The following INCENP variants were observed in gnomAD, a reference collection of about 807,000 sequenced individuals.
INCENP encodes the protein binds and activates aurora-B and -C in vivo and in vitro.
In INCENP, 43 loss-of-function variants were observed where a neutral mutation model predicts 107.3. That is an observed-to-expected ratio of 0.40 (90% CI 0.31 to 0.52). INCENP has a LOEUF of 0.52. Among genes scored for constraint, INCENP ranks in the 20% least tolerant of loss-of-function variants. INCENP has a pLI of 0.53. For synonymous variants in INCENP, 488 were observed against 494.4 expected (o/e 0.99, Z 0.17); for missense variants, 1,089 against 1,250.9 (o/e 0.87, Z 1.95).
intron 15 of INCENP, 85 bp from the exon 16 acceptor site, chr11:62,148,391 G>C (rs1944301030): frequency 7.8e-7 from 1 of 1,274,006 alleles, no homozygotes; most frequent in Non-Finnish European, 1.1e-6. Flanking sequence ...CTACTGGCTG[G>C]GCCTGGTTTC....
chr11:62,133,168 G>A (rs960615526), intron 4 of INCENP, among the ~76,000 whole-genome samples: 4 of 152,124 alleles, frequency 2.6e-5, no homozygotes, highest in African/African-American at 7.2e-5. Context: ...TGGGGTCTTG[G>A]TTTGGGTGTT....
At position 62,145,272 on chromosome 11, in the gene INCENP, G is replaced by A. The variant is rs756946965; in HGVS notation, c.1819G>A (p.Asp607Asn). ...KQIEQKFAQI[D>N]EKTEKAKEER... ...GATTGAGCAGAAGTTTGCTCAGATCGACGAGAAGACTGAGAAGGTGGGAGC... is the reference window on the plus strand; with the variant it reads ...GATTGAGCAGAAGTTTGCTCAGATCAACGAGAAGACTGAGAAGGTGGGAGC... Residue 607 changes from aspartate to asparagine, a missense_variant, in exon 13 of 19, where the codon GAC (aspartate) becomes AAC (asparagine). Physicochemically the swap from Asp to Asn is conservative, Grantham distance 23. Coordinates refer to ENST00000394818, the MANE Select transcript of INCENP (RefSeq NM_001040694.2). 7.4e-6 allele frequency: 12 copies of A among 1,614,002 alleles called. No homozygotes were observed. Among genetic ancestry groups the A allele is most frequent in the African/African-American group, 2.7e-5 (2 of 75,074 alleles).
At chr11:62,149,098 A>G (rs1944318300) in intron 17 of INCENP, among the ~76,000 whole-genome samples, 2 of 152,204 alleles carry the variant, frequency 1.3e-5, no homozygotes, top group Admixed American at 1.3e-4. Flanking sequence ...GGAAAACTCT[A>G]CTAAGCGCGT....
At chr11:62,126,881 G>A (rs1943762232) in intron 1 of INCENP, among the ~76,000 whole-genome samples, 2 of 152,266 alleles carry the variant, frequency 1.3e-5, no homozygotes, top group Middle Eastern at 3.4e-3. Context: ...TAATGACAAG[G>A]GAAAAGAGTC....
At chr11:62,136,931 G>T (rs1944005698) in intron 4 of INCENP, among the ~76,000 whole-genome samples, 1 of 152,186 alleles carries the variant, frequency 6.6e-6, no homozygotes, top group South Asian at 2.1e-4. Context: ...CGACCTCGTG[G>T]ATCCCCCATG....
In INCENP at chr11:62,130,107, C is replaced by G. The variant is rs148478726; in HGVS notation, c.580C>G (p.Arg194Gly). 3.1e-6 allele frequency: 5 copies of G among 1,613,600 alleles called. No homozygotes were observed. The highest frequency in any genetic ancestry group is 4.2e-6 in the Non-Finnish European group (5 of 1,180,006). The change falls in exon 4 of 19, where the codon CGC (arginine) becomes GGC (glycine). Residue 194 changes from arginine to glycine, a missense_variant. Transcript: ENST00000394818. ...GCTCATGTCCACCGAGCCTCTGCCCCGCACTCTGTCCCCGACTCCAGCTTC... is the reference window on the plus strand; with the variant it reads ...GCTCATGTCCACCGAGCCTCTGCCCGGCACTCTGTCCCCGACTCCAGCTTC... ...TQLMSTEPLP[R>G]TLSPTPASAT... is the part of the protein sequence containing the mutation.
intron 16 of INCENP, 59 bp from the exon 17 acceptor site, chr11:62,148,680 G>A (rs1237772992): frequency 1.4e-6 from 2 of 1,429,764 alleles, no homozygotes; most frequent in Non-Finnish European, 1.9e-6. Flanking sequence ...GAGGGAAGGG[G>A]AGGGGAGGGA....
chr11:62,141,864 A>T (rs1397136678), intron 11 of INCENP: 3 of 408,208 alleles, frequency 7.3e-6, no homozygotes, highest in Non-Finnish European at 9.0e-6. Flanking sequence ...GAGAACAGAC[A>T]GGTTGTCTGT....
In INCENP at chr11:62,130,475, A is replaced by G. The variant is rs141509588; in HGVS notation, c.948A>G (p.Gln316=). 100 of 1,613,984 alleles carry G rather than the reference A, an allele frequency of 6.2e-5. No homozygotes were observed. Among genetic ancestry groups the G allele is most frequent in the African/African-American group, 5.2e-4 (39 of 74,940 alleles). ...SPIAPSSPSP[Q]VLAQKYSLVA... ...TCGCCCCGTCTTCCCCGAGTCCCCA[A>G]GTCTTAGCCCAGAAGTACTCTCTGG... is the stretch of plus-strand genomic sequence containing the variant. Residue 316 remains glutamine (Q), a synonymous_variant, in exon 4 of 19, where the codon CAA becomes CAG. Transcript: ENST00000394818.
chr11:62,127,583 C>A (rs923481369), intron 1 of INCENP, among the ~76,000 whole-genome samples: 1 of 152,228 alleles, frequency 6.6e-6, no homozygotes, highest in African/African-American at 2.4e-5. Flanking sequence ...TCCTTTGGAA[C>A]ACAGAATCTC....
At position 62,128,169 on chromosome 11, in the gene INCENP, C is replaced by T. The variant is rs61744797; in HGVS notation, c.8C>T (p.Thr3Met). The change falls in exon 2 of 19, where the codon ACG (threonine) becomes ATG (methionine). Residue 3 changes from threonine (T) to methionine (M), a missense_variant. Transcript: ENST00000394818. MG[T>M]TAPGPIHLLE... ...TCACCAGACAGAGCCACCATGGGGACGACGGCCCCAGGGCCCATTCACCTG... is the reference window on the plus strand; with the variant it reads ...TCACCAGACAGAGCCACCATGGGGATGACGGCCCCAGGGCCCATTCACCTG... 6.2e-7 allele frequency: 1 copy of T among 1,614,080 alleles called. No individual in the cohort carries two copies. The highest frequency in any genetic ancestry group is 8.5e-7 in the Non-Finnish European group (1 of 1,180,000).
chr11:62,140,279 G>A lies in INCENP; in HGVS notation c.1337G>A (p.Ser446Asn), dbSNP rs1217249401. The part of the protein sequence containing the change: ...QADGPREPPQ[S>N]ARRKRSYKQA... Reference sequence around the variant, plus strand: ...GATGGACCCAGAGAGCCACCGCAGAGTGCCAGGTTTGCATCCGGGAAGGGG... The same window carrying A: ...GATGGACCCAGAGAGCCACCGCAGAATGCCAGGTTTGCATCCGGGAAGGGG... Residue 446 changes from serine to asparagine, a missense_variant, in exon 8 of 19, where the codon AGT becomes AAT. By Grantham distance (46) the Ser-to-Asn change is conservative. Transcript: ENST00000394818. The A allele has an allele frequency of 6.2e-7, 1 of 1,613,720 alleles. No homozygotes were observed. Among genetic ancestry groups the A allele is most frequent in the Admixed American group, 1.7e-5 (1 of 60,002 alleles).
intron 1 of INCENP, among the ~76,000 whole-genome samples, chr11:62,127,076 G>C (rs139810596): frequency 2.0e-5 from 3 of 148,246 alleles, no homozygotes; most frequent in African/African-American, 7.5e-5. Flanking sequence ...TCGCTGCGAT[G>C]CCCAGGCTGG....
At chr11:62,141,350 G>T (rs1437239978) in intron 10 of INCENP, 150 bp from the exon 11 acceptor site, 3 of 1,005,260 alleles carry the variant, frequency 3.0e-6, no homozygotes, top group South Asian at 1.3e-5. Context: ...CTGGGGTGAG[G>T]GTTGGGTGAC....
rs535277010 is a variant in INCENP at position 62,137,530 on chromosome 11, G to A, written c.1064-302G>A. ...GCCCCATGCTGGGAGTTTGGGGCCTGGAGCTGCAGCAAACATTGTCCCTCT... is the reference window on the plus strand; with the variant it reads ...GCCCCATGCTGGGAGTTTGGGGCCTAGAGCTGCAGCAAACATTGTCCCTCT... On this transcript the variant is annotated intron_variant, in intron 4 of 18. Coordinates refer to ENST00000394818, the MANE Select transcript of INCENP (RefSeq NM_001040694.2). Among the ~76,000 whole-genome samples the A allele has an allele frequency of 4.1e-4, 63 of 152,310 alleles. 1 individual carries two copies. The highest frequency in any genetic ancestry group is 1.3e-3 in the African/African-American group (56 of 41,570).
intron 15 of INCENP, among the ~76,000 whole-genome samples, chr11:62,147,721 C>T (rs1429890818): frequency 6.6e-6 from 1 of 152,142 alleles, no homozygotes; most frequent in Non-Finnish European, 1.5e-5. Flanking sequence ...AGTGAAGAGT[C>T]ACAGCCAGGG....
In INCENP at chr11:62,129,826, G is replaced by C. The variant is rs12281503; in HGVS notation, c.299G>C (p.Arg100Pro). 1.9e-6 allele frequency: 3 copies of C among 1,611,102 alleles called. No individual in the cohort carries two copies. Among genetic ancestry groups the C allele is most frequent in the Admixed American group, 1.7e-5 (1 of 59,984 alleles). Residue 100 changes from arginine to proline, a missense_variant, in exon 4 of 19, where the codon CGC (arginine) becomes CCC (proline). Transcript: ENST00000394818. ...KSRSSQLSSR[R>P]LRSKDSVEKL... ...CGGAGCAGCCAGCTGAGCTCCCGAC[G>C]CCTCCGCAGCAAGGACAGTGTAGAG...
Position 62,145,300 on chromosome 11 carries a change from G to A in INCENP, c.1836+11G>A, listed in dbSNP as rs772363837. ...GAGAAGACTGAGAAGGTGGGAGCCT[G>A]GGCTGTGGAGGCCCAGGCAATTCAG... On this transcript the variant is annotated intron_variant, in intron 13 of 18. Transcript: ENST00000394818. 2 of 1,613,826 alleles carry A rather than the reference G, an allele frequency of 1.2e-6. No individual in the cohort carries two copies. Among genetic ancestry groups the A allele is most frequent in the Admixed American group, 3.3e-5 (2 of 60,004 alleles).
chr11:62,144,142 G>C (rs968354613), intron 11 of INCENP, among the ~76,000 whole-genome samples: 1 of 152,174 alleles, frequency 6.6e-6, no homozygotes, highest in African/African-American at 2.4e-5. Flanking sequence ...CACCAGCCTG[G>C]CCAACATAGT....
Sources: allele counts gnomAD v4.1 joint callset (sites outside exome capture counted in the v4.1 genomes callset), GRCh38; gene constraint gnomAD v4.1.1; transcripts MANE v1.5; gene names NCBI Gene and HGNC (gene_info 2026-07-23, HGNC 2026-07-21).